The following C8A variants were observed in gnomAD, a reference collection of about 807,000 sequenced individuals.
C8A encodes complement C8 alpha chain.
In C8A, 67 loss-of-function variants were observed where a neutral mutation model predicts 65.3. The observed-to-expected ratio is 1.03, with a 90% CI of 0.84 to 1.26. C8A has a LOEUF of 1.26. C8A is among the 50% of genes most tolerant of loss of function. The pLI is 0.00. For synonymous variants in C8A, 290 were observed against 259.4 expected (o/e 1.12, Z -1.13); for missense variants, 781 against 723.9 (o/e 1.08, Z -0.90).
rs1243811578 is a variant in C8A at position 56,886,054 on chromosome 1, G to A, written c.983G>A (p.Gly328Asp). The change falls in exon 7 of 11, where the codon GGC (glycine) becomes GAC (aspartate). Residue 328 changes from glycine to aspartate, a missense_variant. Coordinates refer to ENST00000361249, the MANE Select transcript of C8A (RefSeq NM_000562.3). ...LMELPDQYNY[G>D]MYAKFINDYG... ...GAGCTTCCAGATCAGTACAATTATGGCATGTATGCCAAGTTCATCAATGAC... is the reference window on the plus strand; with the variant it reads ...GAGCTTCCAGATCAGTACAATTATGACATGTATGCCAAGTTCATCAATGAC... The A allele has an allele frequency of 8.1e-6, 13 of 1,614,038 alleles. No homozygotes were observed. Among genetic ancestry groups the A allele is most frequent in the Non-Finnish European group, 1.0e-5 (12 of 1,179,958 alleles).
rs1458355056 is a variant in C8A at position 56,876,209 on chromosome 1, G to T, written c.464G>T (p.Gly155Val). The T allele has an allele frequency of 1.2e-6, 2 of 1,613,644 alleles. No individual in the cohort carries two copies. Among genetic ancestry groups the T allele is most frequent in the South Asian group, 2.2e-5 (2 of 91,082 alleles). Residue 155 changes from glycine (G) to valine (V), a missense_variant and splice_region_variant, in exon 4 of 11, where the codon GGG becomes GTG. Gly to Val is a moderately radical substitution (Grantham distance 109). Coordinates refer to ENST00000361249, the MANE Select transcript of C8A (RefSeq NM_000562.3). ...CCAGGATCACAGAAGGCAGCCTTGG[G>T]GTGAGGCCCTGCCTACTAGCTATTT... Reference protein sequence around the residue: ...PIPGSQKAALGYNILTQEDAQ... With the variant: ...PIPGSQKAALVYNILTQEDAQ...
Position 56,906,748 on chromosome 1 carries a change from G to T in C8A, c.1178G>T (p.Gly393Val), listed in dbSNP as rs574061980. ...QYEDKINVGG[G>V]LSGDHCKKFG... Reference sequence around the variant, plus strand: ...GAAGACAAAATAAATGTTGGTGGAGGTTTATCAGGAGACCATTGTAAAAAA... The same window carrying T: ...GAAGACAAAATAAATGTTGGTGGAGTTTTATCAGGAGACCATTGTAAAAAA... The change falls in exon 8 of 11, where the codon GGT (glycine) becomes GTT (valine). Residue 393 changes from glycine to valine, a missense_variant. Coordinates refer to ENST00000361249, the MANE Select transcript of C8A (RefSeq NM_000562.3). The T allele has an allele frequency of 1.2e-6, 2 of 1,614,070 alleles. No homozygotes were observed. The highest frequency in any genetic ancestry group is 2.2e-5 in the East Asian group (1 of 44,860).
At chr1:56,908,235 C>G (rs1644482448) in intron 9 of C8A, 122 bp downstream of exon 9, 1 of 1,142,242 alleles carries the variant, frequency 8.8e-7, no homozygotes, top group Non-Finnish European at 1.3e-6. Flanking sequence ...TAATGGCACA[C>G]TGAACTAGTG....
chr1:56,904,325 G>T (rs1570349443), intron 7 of C8A, among the ~76,000 whole-genome samples: 1 of 152,122 alleles, frequency 6.6e-6, no homozygotes, highest in Non-Finnish European at 1.5e-5. Flanking sequence ...CTCCTTTCTA[G>T]CCCTGGTATA....
Position 56,917,868 on chromosome 1 carries a change from G to C in C8A, c.*152G>C. Reference sequence around the variant, plus strand: ...TCCAGGCCTAAGACTAGGTTTTGCTGTCTACAGCCAACTATTCTATTAGTT... The same window carrying C: ...TCCAGGCCTAAGACTAGGTTTTGCTCTCTACAGCCAACTATTCTATTAGTT... On this transcript the variant is annotated 3_prime_UTR_variant, in exon 11 of 11. Coordinates refer to ENST00000361249, the MANE Select transcript of C8A (RefSeq NM_000562.3). The C allele has an allele frequency of 1.2e-6, 1 of 849,076 alleles. No homozygotes were observed. The highest frequency in any genetic ancestry group is 2.7e-5 in the East Asian group (1 of 37,322). 52.6% of individuals were successfully genotyped at this position (849,076 alleles called of 1,614,324 possible). A position where few individuals can be genotyped will look rare whatever the true frequency, so the allele number is the denominator to read the frequency against.
Position 56,907,948 on chromosome 1 carries a change from G to C in C8A, c.1223-8G>C. Reference sequence around the variant, plus strand: ...ATGAGTTAATGCAGTTTATCCTCTTGATGGCAGAAAGGGCCAGGAAGGCCA... The same window carrying C: ...ATGAGTTAATGCAGTTTATCCTCTTCATGGCAGAAAGGGCCAGGAAGGCCA... On this transcript the variant is annotated splice_polypyrimidine_tract_variant and splice_region_variant and intron_variant, in intron 8 of 10. Transcript: ENST00000361249. The C allele has an allele frequency of 1.2e-6, 2 of 1,614,134 alleles. No individual in the cohort carries two copies. The highest frequency in any genetic ancestry group is 1.7e-6 in the Non-Finnish European group (2 of 1,179,996).
chr1:56,855,672 G>A (rs1374110551), intron 1 of C8A, among the ~76,000 whole-genome samples: 1 of 147,716 alleles, frequency 6.8e-6, no homozygotes, highest in Non-Finnish European at 1.5e-5. Flanking sequence ...TAAGTATTTT[G>A]TGGAGCCTAA....
rs573441059 is a variant in C8A at position 56,875,130 on chromosome 1, T to C, written c.316+37T>C. The C allele has an allele frequency of 1.9e-6, 3 of 1,608,644 alleles. No individual in the cohort carries two copies. In the East Asian group the frequency reaches 6.7e-5, roughly 36 times the overall value. On this transcript the variant is annotated intron_variant, in intron 3 of 10. Coordinates refer to ENST00000361249, the MANE Select transcript of C8A (RefSeq NM_000562.3). ...TTCAGCAGAATAACAGCTGTGCCTG[T>C]CAAAAGTGACATGTGAAACACTTCC...
At chr1:56,902,354 T>C (rs1403413721) in intron 7 of C8A, among the ~76,000 whole-genome samples, 1 of 151,722 alleles carries the variant, frequency 6.6e-6, no homozygotes, top group East Asian at 1.9e-4. Context: ...AATCCAGTTC[T>C]ACTGGTCTCT....
intron 7 of C8A, among the ~76,000 whole-genome samples, chr1:56,892,632 C>T (rs1644356694): frequency 6.6e-6 from 1 of 152,036 alleles, no homozygotes. Flanking sequence ...GCTATTTTCT[C>T]TGCAGGTTCC....
intron 7 of C8A, among the ~76,000 whole-genome samples, chr1:56,900,042 A>G (rs993894454): frequency 3.3e-5 from 5 of 152,224 alleles, no homozygotes; most frequent in African/African-American, 4.8e-5. Flanking sequence ...CCTCTGAAGA[A>G]CCCTTATCAA....
chr1:56,913,660 G>A (rs1279317518), intron 10 of C8A, among the ~76,000 whole-genome samples: 2 of 123,394 alleles, frequency 1.6e-5, no homozygotes, highest in African/African-American at 3.9e-5. Context: ...ACATAAAACT[G>A]TTTGTATGGT....
intron 7 of C8A, among the ~76,000 whole-genome samples, chr1:56,891,510 G>C (rs1309965978): frequency 1.3e-5 from 2 of 152,136 alleles, no homozygotes; most frequent in Admixed American, 6.6e-5. Context: ...ACACAGATTA[G>C]AGGAGCAGGA....
At chr1:56,900,504 C>G (rs917681130) in intron 7 of C8A, among the ~76,000 whole-genome samples, 1 of 152,120 alleles carries the variant, frequency 6.6e-6, no homozygotes, top group African/African-American at 2.4e-5. Context: ...GACTCTGACC[C>G]CAGAGGTTAC....
intron 1 of C8A, among the ~76,000 whole-genome samples, chr1:56,860,513 T>A (rs935597382): frequency 6.6e-6 from 1 of 152,054 alleles, no homozygotes; most frequent in African/African-American, 2.4e-5. Flanking sequence ...TTTGAAAAAA[T>A]TTTCTTGATT....
At chr1:56,873,320 C>T (rs706472) in intron 2 of C8A, among the ~76,000 whole-genome samples, 1,951 of 152,290 alleles carry the variant, frequency 0.013, 45 homozygotes, top group African/African-American at 0.045. Context: ...CTTCTTTACA[C>T]ATTCTCTTAC....
chr1:56,883,458 A>G (rs1213847862), intron 5 of C8A, 23 bp from the exon 6 acceptor site: 6 of 1,593,964 alleles, frequency 3.8e-6, no homozygotes, highest in Non-Finnish European at 3.4e-6. Context: ...CACAAAGCTA[A>G]TATCTATCCT....
At chr1:56,862,979 C>CT (rs1402775337) in intron 1 of C8A, among the ~76,000 whole-genome samples, 2 of 152,048 alleles carry the variant, frequency 1.3e-5, no homozygotes, top group Non-Finnish European at 2.9e-5. Context: ...TACAGAAAAA[C>CT]TGGGGACTCA....
intron 1 of C8A, among the ~76,000 whole-genome samples, chr1:56,858,868 G>A (rs752191004): frequency 7.2e-5 from 11 of 152,168 alleles, no homozygotes; most frequent in Non-Finnish European, 1.6e-4. Flanking sequence ...GCATCACCAC[G>A]TAGTGGCTAT....
Sources: allele counts gnomAD v4.1 joint callset (sites outside exome capture counted in the v4.1 genomes callset), GRCh38; gene constraint gnomAD v4.1.1; transcripts MANE v1.5; gene names NCBI Gene and HGNC (gene_info 2026-07-23, HGNC 2026-07-21).